The following CASP10 variants were observed in gnomAD, a reference collection of about 807,000 sequenced individuals.
CASP10 encodes the protein caspase-10.
A neutral mutation model predicts 48.5 loss-of-function variants in CASP10; 41 were observed. That is an observed-to-expected ratio of 0.85 (90% CI 0.66 to 1.10). CASP10 has a LOEUF of 1.10. Among genes scored for constraint, CASP10 ranks in the 50% least tolerant of loss-of-function variants. The probability of loss-of-function intolerance (pLI) is 0.00; values close to 1 mark genes in which losing one functional copy is unlikely to be tolerated. For synonymous variants in CASP10, 232 were observed against 238.4 expected (o/e 0.97, Z 0.25); for missense variants, 614 against 614.5 (o/e 1.00, Z 0.01).
chr2:201,225,946 A>T (rs1945782518), downstream of CASP10, among the ~76,000 whole-genome samples: 1 of 152,210 alleles, frequency 6.6e-6, no homozygotes, highest in Non-Finnish European at 1.5e-5. Context: ...AGCCTGGGTG[A>T]TAGAGTGAGA....
At chr2:201,186,951 G>T (rs780906139) in intron 2 of CASP10, among the ~76,000 whole-genome samples, 5 of 152,204 alleles carry the variant, frequency 3.3e-5, no homozygotes, top group Admixed American at 6.5e-5. Flanking sequence ...GCCTCCCAAA[G>T]TGCTGGGATT....
intron 3 of CASP10, among the ~76,000 whole-genome samples, chr2:201,189,067 T>A (rs559022294): frequency 3.2e-4 from 48 of 151,854 alleles, no homozygotes; most frequent in Non-Finnish European, 4.4e-5. Flanking sequence ...AGATAGGGTT[T>A]CACCATATTG....
Position 201,206,096 on chromosome 2 carries a change from C to T in CASP10, c.813+123C>T, listed in dbSNP as rs190288381. ...CAGCCTTCGATGATTTTAAGGGCTC[C>T]GAGCTGTTTGTTTCAGACTTGTTTC... On this transcript the variant is annotated intron_variant, in intron 7 of 9. Coordinates refer to ENST00000286186, the MANE Select transcript of CASP10 (RefSeq NM_032977.4). 1.1e-3 allele frequency: 711 copies of T among 633,850 alleles called. 6 individuals carry two copies. Among genetic ancestry groups the T allele is most frequent in the Non-Finnish European group, 8.9e-4 (318 of 357,294 alleles). 39.3% of individuals were successfully genotyped at this position (633,850 alleles called of 1,614,324 possible). A position where few individuals can be genotyped will look rare whatever the true frequency, so the allele number is the denominator to read the frequency against.
downstream of CASP10, among the ~76,000 whole-genome samples, chr2:201,226,593 G>A (rs1430231810): frequency 1.3e-5 from 2 of 152,070 alleles, no homozygotes; most frequent in Non-Finnish European, 2.9e-5. Flanking sequence ...AATTATAGGC[G>A]TGAGCCACCA....
At chr2:201,188,960 T>C (rs941226807) in intron 3 of CASP10, among the ~76,000 whole-genome samples, 2 of 151,678 alleles carry the variant, frequency 1.3e-5, no homozygotes, top group African/African-American at 2.4e-5. Flanking sequence ...AACCTCTGCC[T>C]CCTGGGTTCA....
exon 10 of CASP10, chr2:201,229,219 G>A (rs1484320809): frequency 1.5e-5 from 15 of 998,344 alleles, no homozygotes; most frequent in African/African-American, 4.8e-5. Flanking sequence ...ACTTCTGAAC[G>A]TGGCACTCTT....
Position 201,219,460 on chromosome 2 carries a change from A to T in CASP10, c.*1719A>T, listed in dbSNP as rs1945667372. 3.0e-6 allele frequency: 3 copies of T among 985,472 alleles called. No individual in the cohort carries two copies. The highest frequency in any genetic ancestry group is 3.6e-6 in the Non-Finnish European group (3 of 829,976). The allele number at this position is 985,472 out of a possible 1,614,324, so 61.0% of individuals were successfully genotyped here. On this transcript the variant is annotated 3_prime_UTR_variant, in exon 10 of 10. Coordinates refer to ENST00000286186, the MANE Select transcript of CASP10 (RefSeq NM_032977.4). ...AGGCCAGCACCTTTCTCTTGGCCGGATGTCCTCAGGGCTGGCAGATGCAGT... is the reference window on the plus strand; with the variant it reads ...AGGCCAGCACCTTTCTCTTGGCCGGTTGTCCTCAGGGCTGGCAGATGCAGT...
chr2:201,197,170 T>C lies in CASP10; in HGVS notation c.684+1222T>C, dbSNP rs947870140. Among the ~76,000 whole-genome samples the C allele has an allele frequency of 4.6e-5, 7 of 152,136 alleles. No individual in the cohort carries two copies. In the South Asian group the frequency reaches 1.5e-3, roughly 32 times the overall value. On this transcript the variant is annotated intron_variant, in intron 5 of 9. Coordinates refer to ENST00000286186, the MANE Select transcript of CASP10 (RefSeq NM_032977.4). Reference sequence around the variant, plus strand: ...AAAATTTTTTTTTATAGAGATAAGGTTTTGCTATGTTGCCCAGGCTGGTCT... The same window carrying C: ...AAAATTTTTTTTTATAGAGATAAGGCTTTGCTATGTTGCCCAGGCTGGTCT...
At chr2:201,203,655 T>A (rs1576112890) in intron 5 of CASP10, 75 bp from the exon 6 acceptor site, 5 of 1,278,436 alleles carry the variant, frequency 3.9e-6, no homozygotes, top group Non-Finnish European at 5.7e-6. Flanking sequence ...CTTCCCTGCA[T>A]CAAGTCTAGT....
At chr2:201,184,018 C>G (rs1390690734) in intron 1 of CASP10, among the ~76,000 whole-genome samples, 1 of 151,994 alleles carries the variant, frequency 6.6e-6, no homozygotes, top group Non-Finnish European at 1.5e-5. Context: ...ATCTCAGCTT[C>G]CTATGAAGCT....
At chr2:201,191,015 C>T (rs989190343) in intron 3 of CASP10, among the ~76,000 whole-genome samples, 4 of 152,016 alleles carry the variant, frequency 2.6e-5, no homozygotes, top group East Asian at 1.9e-4. Context: ...GCGCCCACCA[C>T]CACACCCAGC....
At position 201,203,746 on chromosome 2, in the gene CASP10, A is replaced by T. The variant is rs1374658340; in HGVS notation, c.701A>T (p.Asn234Ile). Reference protein sequence around the residue: ...LEALPQESWQNKHAGSNGNRA... With the variant: ...LEALPQESWQIKHAGSNGNRA... ...TTTTCTCAGCAGGAGTCCTGGCAAA[A>T]TAAGCATGCAGGTAGTAATGGTAGG... is the stretch of plus-strand genomic sequence containing the variant. The change falls in exon 6 of 10, where the codon AAT becomes ATT. Residue 234 changes from asparagine (N) to isoleucine (I), a missense_variant. Asn to Ile is a moderately radical substitution (Grantham distance 149). Transcript: ENST00000286186. 23 of 1,613,740 alleles carry T rather than the reference A, an allele frequency of 1.4e-5. No individual in the cohort carries two copies. The highest frequency in any genetic ancestry group is 1.9e-5 in the Non-Finnish European group (22 of 1,179,664).
chr2:201,215,304 T>A (rs1419651919), intron 9 of CASP10, among the ~76,000 whole-genome samples: 3 of 151,738 alleles, frequency 2.0e-5, no homozygotes, highest in Non-Finnish European at 2.9e-5. Context: ...GTCTGTGCTT[T>A]TGAAGTCTTG....
rs757027719 is a variant in CASP10 at position 201,209,241 on chromosome 2, A to T, written c.1094A>T (p.Tyr365Phe). ...ACCCATGGGAGATTTGGAGCTGTCTACTCTTCGGATGAGGCCCTCATTCCC... is the reference window on the plus strand; with the variant it reads ...ACCCATGGGAGATTTGGAGCTGTCTTCTCTTCGGATGAGGCCCTCATTCCC... ...ILTHGRFGAVYSSDEALIPIR... is the reference protein window; with the variant it reads ...ILTHGRFGAVFSSDEALIPIR... The change falls in exon 9 of 10, where the codon TAC becomes TTC. Residue 365 changes from tyrosine to phenylalanine, a missense_variant. Coordinates refer to ENST00000286186, the MANE Select transcript of CASP10 (RefSeq NM_032977.4). The T allele has an allele frequency of 1.9e-6, 3 of 1,613,624 alleles. No individual in the cohort carries two copies. The highest frequency in any genetic ancestry group is 1.7e-4 in the Middle Eastern group (1 of 6,060).
chr2:201,190,589 C>T (rs12613347), intron 3 of CASP10, among the ~76,000 whole-genome samples: 29,359 of 151,898 alleles, frequency 0.19, 3,411 homozygotes, highest in East Asian at 0.34. Context: ...TTGGGGCATC[C>T]GCTCACAAAT....
intron 3 of CASP10, among the ~76,000 whole-genome samples, chr2:201,188,616 T>C (rs2126009850): frequency 6.6e-6 from 1 of 152,364 alleles, no homozygotes; most frequent in African/African-American, 2.4e-5. Flanking sequence ...TCTCACAGGC[T>C]GAGTTTTGCT....
In CASP10 at chr2:201,221,337, A is replaced by G. The variant is rs1380331135; in HGVS notation, c.*3596A>G. ...CTCTGAGCCCAAGCTAAGCCATCAT[A>G]TCCCTTGTGACCTGCACATATATAT... On this transcript the variant is annotated 3_prime_UTR_variant, in exon 10 of 10. Coordinates refer to ENST00000286186, the MANE Select transcript of CASP10 (RefSeq NM_032977.4). 1.5e-5 allele frequency: 14 copies of G among 962,188 alleles called. No individual in the cohort carries two copies. The highest frequency in any genetic ancestry group is 1.7e-5 in the Non-Finnish European group (14 of 808,526). 59.6% of individuals were successfully genotyped at this position (962,188 alleles called of 1,614,324 possible).
chr2:201,194,817 T>A (rs1944732352), intron 4 of CASP10, among the ~76,000 whole-genome samples: 1 of 152,238 alleles, frequency 6.6e-6, no homozygotes, highest in African/African-American at 2.4e-5. Context: ...CTCGCTCTGT[T>A]GCCCAGGCTG....
chr2:201,201,440 T>G (rs1452269885), intron 5 of CASP10, among the ~76,000 whole-genome samples: 1 of 152,124 alleles, frequency 6.6e-6, no homozygotes, highest in African/African-American at 2.4e-5. Context: ...TTTTTCAACT[T>G]GTTTTGTGCT....
Sources: allele counts gnomAD v4.1 joint callset (sites outside exome capture counted in the v4.1 genomes callset), GRCh38; gene constraint gnomAD v4.1.1; transcripts MANE v1.5; gene names NCBI Gene and HGNC (gene_info 2026-07-23, HGNC 2026-07-21).